PUM2: variants seen among roughly 807,000 people sequenced by gnomAD.
PUM2 encodes pumilio RNA binding family member 2, also known as pumilio homolog 2.
A neutral mutation model predicts 124.5 loss-of-function variants in PUM2; 57 were observed. The ratio of observed to expected loss-of-function variants is 0.46; its 90% confidence interval spans 0.37 to 0.57. PUM2 has a LOEUF of 0.57. Ranked by LOEUF, PUM2 falls within the 20% of genes least tolerant of loss-of-function variation. The probability of loss-of-function intolerance (pLI) is 0.00; values close to 1 mark genes in which losing one functional copy is unlikely to be tolerated. For synonymous variants in PUM2, 460 were observed against 446.1 expected (o/e 1.03, Z -0.39); for missense variants, 1,065 against 1,290.6 (o/e 0.83, Z 2.68).
At chr2:20,314,952 T>C (rs1680519113) in intron 3 of PUM2, among the ~76,000 whole-genome samples, 2 of 150,630 alleles carry the variant, frequency 1.3e-5, no homozygotes. Context: ...CTAACAGAGC[T>C]TAAAGGAAAA....
chr2:20,259,580 A>G (rs767786170), intron 15 of PUM2, among the ~76,000 whole-genome samples: 4 of 152,206 alleles, frequency 2.6e-5, no homozygotes, highest in Non-Finnish European at 5.9e-5. Context: ...AGTATTTTCA[A>G]GGTCCATCCA....
chr2:20,346,507 G>A (rs1377756359), intron 1 of PUM2, among the ~76,000 whole-genome samples: 1 of 152,098 alleles, frequency 6.6e-6, no homozygotes, highest in African/African-American at 2.4e-5. Flanking sequence ...CTTATTTCAT[G>A]TCTGAATGAA....
intron 2 of PUM2, among the ~76,000 whole-genome samples, chr2:20,324,890 T>TAA (rs1683298980): frequency 6.6e-6 from 1 of 150,476 alleles, no homozygotes; most frequent in Admixed American, 6.6e-5. Flanking sequence ...AAACTATTTT[T>TAA]AAAGAAAGTC....
In PUM2 at chr2:20,257,895, A is replaced by T. The variant is rs1420140387; in HGVS notation, c.2484+348T>A. ...ACATATAGTAATGCTATTGGTTCCA[A>T]AAATTTTCTTCTTATAATAGAAACA... On this transcript the variant is annotated intron_variant, in intron 16 of 20. Transcript: ENST00000361078. Among the ~76,000 whole-genome samples the T allele has an allele frequency of 3.3e-5, 5 of 152,238 alleles. No homozygotes were observed. The South Asian group carries it at 6.2e-4, about 19-fold the overall frequency.
At chr2:20,296,020 T>C (rs969278614) in intron 8 of PUM2, among the ~76,000 whole-genome samples, 2 of 152,302 alleles carry the variant, frequency 1.3e-5, no homozygotes, top group African/African-American at 4.8e-5. Context: ...TTCTCTGTAT[T>C]ATACCAACAC....
At chr2:20,334,987 A>G (rs1685689624) in intron 1 of PUM2, among the ~76,000 whole-genome samples, 1 of 152,036 alleles carries the variant, frequency 6.6e-6, no homozygotes, top group Non-Finnish European at 1.5e-5. Context: ...TCACTCTATC[A>G]CCGAAGCTAG....
At chr2:20,316,437 A>C in intron 3 of PUM2, among the ~76,000 whole-genome samples, 1 of 152,134 alleles carries the variant, frequency 6.6e-6, no homozygotes, top group East Asian at 1.9e-4. Context: ...ATTATCATCC[A>C]AAAATTTGTT....
chr2:20,305,002 T>C (rs1318725221), intron 7 of PUM2, among the ~76,000 whole-genome samples: 3 of 152,142 alleles, frequency 2.0e-5, no homozygotes, highest in Non-Finnish European at 2.9e-5. Context: ...CAAATTTGGA[T>C]AAAAAAGATT....
intron 5 of PUM2, among the ~76,000 whole-genome samples, chr2:20,309,034 T>A (rs1679002983): frequency 6.6e-6 from 1 of 152,090 alleles, no homozygotes; most frequent in African/African-American, 2.4e-5. Context: ...TGCCATAACA[T>A]CCTGCTTAAT....
At position 20,278,669 on chromosome 2, in the gene PUM2, A is replaced by G; in HGVS notation, c.1871T>C (p.Met624Thr). 2.5e-6 allele frequency: 4 copies of G among 1,613,610 alleles called. No homozygotes were observed. Among genetic ancestry groups the G allele is most frequent in the Non-Finnish European group, 3.4e-6 (4 of 1,179,696 alleles). Residue 624 changes from methionine to threonine, a missense_variant, in exon 13 of 21, where the codon ATG (methionine) becomes ACG (threonine). Physicochemically the swap from Met to Thr is moderately conservative, Grantham distance 81. Transcript: ENST00000361078. The stretch of plus-strand genomic sequence containing the variant: ...TCCTGGAGTTTGGCTTGGCAGAGGC[A>G]TGCCTATTGGACTTGGAGAGGAGGA... Reference protein sequence around the residue: ...GFSSSPSPIGMPLPSQTPGHS... With the variant: ...GFSSSPSPIGTPLPSQTPGHS...
chr2:20,264,911 G>A (rs1667276117), intron 13 of PUM2, among the ~76,000 whole-genome samples: 1 of 152,076 alleles, frequency 6.6e-6, no homozygotes, highest in Non-Finnish European at 1.5e-5. Flanking sequence ...TACTGTCCTA[G>A]CTTTACTTTT....
At chr2:20,320,243 T>C (rs1011474634) in intron 2 of PUM2, among the ~76,000 whole-genome samples, 4 of 151,904 alleles carry the variant, frequency 2.6e-5, no homozygotes, top group African/African-American at 9.7e-5. Flanking sequence ...AGTGAGACTG[T>C]CTCAAAAAAC....
Position 20,250,391 on chromosome 2 carries a change from A to G in PUM2, c.*1194T>C, listed in dbSNP as rs1269833211. 6.6e-6 allele frequency: 1 copy of G among 152,610 alleles called. No homozygotes were observed. The allele number at this position is 152,610 out of a possible 1,614,324, so 9.5% of individuals were successfully genotyped here. On this transcript the variant is annotated 3_prime_UTR_variant, in exon 21 of 21. Coordinates refer to ENST00000361078, the MANE Select transcript of PUM2 (RefSeq NM_015317.5). Reference sequence around the variant, plus strand: ...GAGGGCAGGGACGTAAATGTACACTAAAATGCAAATGTATCCCAAAGAGAT... The same window carrying G: ...GAGGGCAGGGACGTAAATGTACACTGAAATGCAAATGTATCCCAAAGAGAT...
At chr2:20,297,824 C>G in intron 7 of PUM2, 146 bp from the exon 8 acceptor site, 1 of 740,510 alleles carries the variant, frequency 1.4e-6, no homozygotes, top group South Asian at 2.3e-5. Flanking sequence ...ACTAAGTGAC[C>G]TTGGGCATGT....
At chr2:20,292,853 G>C (rs114266542) in intron 9 of PUM2, among the ~76,000 whole-genome samples, 2,189 of 152,164 alleles carry the variant, frequency 0.014, 64 homozygotes, top group African/African-American at 0.049. Flanking sequence ...ATTGCTGCCG[G>C]GAGGCAGAGG....
In PUM2 at chr2:20,250,072, G is replaced by A. The variant is rs2148334767; in HGVS notation, c.*1513C>T. ...AGTACTCTTCTGTACAAAGAAAAAA[G>A]TCACATCACATTTAATAAGATGAAA... On this transcript the variant is annotated 3_prime_UTR_variant, in exon 21 of 21. Transcript: ENST00000361078. 1 of 152,630 alleles carries A rather than the reference G, an allele frequency of 6.6e-6. No individual in the cohort carries two copies. Among genetic ancestry groups the A allele is most frequent in the East Asian group, 1.9e-4 (1 of 5,186 alleles). 9.5% of individuals were successfully genotyped at this position (152,630 alleles called of 1,614,324 possible). A position where few individuals can be genotyped will look rare whatever the true frequency, so the allele number is the denominator to read the frequency against.
intron 14 of PUM2, among the ~76,000 whole-genome samples, chr2:20,261,594 T>G (rs1252257400): frequency 6.6e-6 from 1 of 150,384 alleles, no homozygotes; most frequent in African/African-American, 2.4e-5. Context: ...GAAAAAGCAC[T>G]GTTATCATAG....
intron 1 of PUM2, among the ~76,000 whole-genome samples, chr2:20,337,375 T>C (rs1051205801): frequency 1.4e-4 from 21 of 152,220 alleles, no homozygotes; most frequent in African/African-American, 5.1e-4. Flanking sequence ...TGTTTGGGAT[T>C]TACTTTGAAA....
chr2:20,294,867 C>T (rs1309552540), intron 8 of PUM2, among the ~76,000 whole-genome samples: 1 of 152,140 alleles, frequency 6.6e-6, no homozygotes, highest in Non-Finnish European at 1.5e-5. Flanking sequence ...GCTCATTCAT[C>T]GTTTCTCTCA....
Sources: gnomAD v4.1 joint callset for allele counts (sites outside exome capture counted in the v4.1 genomes callset) on GRCh38, gnomAD v4.1.1 for gene constraint, MANE v1.5 for transcripts, NCBI Gene and HGNC (gene_info 2026-07-23, HGNC 2026-07-21) for gene names.